PLXNA4: variants seen among roughly 807,000 people sequenced by gnomAD.
PLXNA4 encodes plexin A4, also known as plexin-A4.
A neutral mutation model predicts 191.8 loss-of-function variants in PLXNA4; 44 were observed. The ratio of observed to expected loss-of-function variants is 0.23; its 90% confidence interval spans 0.18 to 0.29. PLXNA4 has a LOEUF of 0.29. Among genes scored for constraint, PLXNA4 ranks in the 10% least tolerant of loss-of-function variants. PLXNA4 has a pLI of 1.00. For synonymous variants in PLXNA4, 1,082 were observed against 1,009.5 expected (o/e 1.07, Z -1.36); for missense variants, 1,800 against 2,488.8 (o/e 0.72, Z 5.89).
chr7:132,504,923 G>A (rs1456875347), intron 2 of PLXNA4, among the ~76,000 whole-genome samples: 10 of 152,208 alleles, frequency 6.6e-5, no homozygotes, highest in Admixed American at 2.0e-4. Context: ...GATGTCGCAC[G>A]AAACACGTGT....
At chr7:132,493,753 GGA>G (rs1491067319) in intron 2 of PLXNA4, among the ~76,000 whole-genome samples, 6 of 9,306 alleles carry the variant, frequency 6.4e-4, no homozygotes, top group African/African-American at 9.6e-4. Context: ...ATGGGTGGAT[GGA>G]TGGATGGATG....
intron 4 of PLXNA4, among the ~76,000 whole-genome samples, chr7:132,292,887 A>G (rs766045490): frequency 6.6e-6 from 1 of 152,200 alleles, no homozygotes; most frequent in African/African-American, 2.4e-5. Context: ...TTTGAGCAAA[A>G]ACCACAGGCA....
intron 4 of PLXNA4, among the ~76,000 whole-genome samples, chr7:132,268,652 C>T (rs1361845192): frequency 6.6e-6 from 1 of 152,176 alleles, no homozygotes; most frequent in African/African-American, 2.4e-5. Context: ...AGCGTAGGTG[C>T]CTATGGACTA....
rs139529609 is a variant in PLXNA4, at chr7:132,242,149, G to GTTT, written c.1504-984_1504-983insAAA. Among the ~76,000 whole-genome samples the GTTT allele has an allele frequency of 4.7e-4, 69 of 147,492 alleles. 1 individual carries two copies. Among genetic ancestry groups the GTTT allele is most frequent in the Middle Eastern group, 6.9e-3 (2 of 288 alleles). On this transcript the variant is annotated intron_variant, in intron 4 of 31. Transcript: ENST00000321063. Reference sequence around the variant, plus strand: ...TTGCCGGTTTTTTTCTTTACAAAAAGTATTTTTTTTTTTTTAATTTTACAT... The same window carrying GTTT: ...TTGCCGGTTTTTTTCTTTACAAAAAGTTTTATTTTTTTTTTTTTAATTTTACAT...
chr7:132,140,528 G>A (rs1795237684), intron 30 of PLXNA4, 71 bp downstream of exon 30: 6 of 1,574,464 alleles, frequency 3.8e-6, no homozygotes, highest in Non-Finnish European at 5.2e-6. Context: ...TGATGGGGAG[G>A]GGACCTTTTG....
chr7:132,208,908 A>G (rs73155283), intron 10 of PLXNA4, among the ~76,000 whole-genome samples: 7,039 of 152,160 alleles, frequency 0.046, 202 homozygotes, highest in African/African-American at 0.074. Flanking sequence ...GGAGGCTCTG[A>G]TTTCACACCC....
chr7:132,228,183 G>A (rs1411381699), intron 6 of PLXNA4, among the ~76,000 whole-genome samples, 163 bp downstream of exon 6: 11 of 151,956 alleles, frequency 7.2e-5, no homozygotes, highest in Admixed American at 2.0e-4. Context: ...GCATCCCCCC[G>A]TAGACACTTA....
Position 132,563,198 on chromosome 7 carries a change from TCTTCCTCC to T in PLXNA4, c.-87+13216_-87+13223del, listed in dbSNP as rs1563175740. On this transcript the variant is annotated intron_variant, in intron 1 of 31. Coordinates refer to ENST00000321063, the MANE Select transcript of PLXNA4 (RefSeq NM_020911.2). ...TCCTCCTTCTCCTTCCTCCTCCTCC[TCTTCCTCC>T]TCCTCCTCCTCCTTCTCCTCCTCTT... Among the ~76,000 whole-genome samples the T allele has an allele frequency of 3.4e-3, 245 of 71,292 alleles. 1 individual carries two copies. The highest frequency in any genetic ancestry group is 6.1e-3 in the Non-Finnish European group (204 of 33,190). The allele number at this position is 71,292 out of a possible 152,430, so 46.8% of individuals were successfully genotyped here.
intron 3 of PLXNA4, among the ~76,000 whole-genome samples, chr7:132,368,680 C>T (rs568904675): frequency 7.2e-5 from 11 of 152,320 alleles, no homozygotes; most frequent in East Asian, 1.9e-4. Context: ...GCACCATGCC[C>T]GTCCCCATCA....
intron 1 of PLXNA4, among the ~76,000 whole-genome samples, chr7:132,647,949 TCACA>T (rs965594925): frequency 7.3e-5 from 11 of 150,724 alleles, no homozygotes; most frequent in Admixed American, 4.6e-4. Context: ...ACATACACAT[TCACA>T]CACAGTCACA....
Position 132,181,482 on chromosome 7 carries a change from G to A in PLXNA4, c.3391C>T (p.Leu1131Phe), listed in dbSNP as rs757044562. The change falls in exon 18 of 32, where the codon CTC becomes TTC. Residue 1131 changes from leucine to phenylalanine, a missense_variant. Coordinates refer to ENST00000321063, the MANE Select transcript of PLXNA4 (RefSeq NM_020911.2). The stretch of plus-strand genomic sequence containing the variant: ...TAGTAGGTGAAGTTGGTCTTGTTGA[G>A]GATGAGCAGGGACTGGACGTTGTCC... The part of the protein sequence containing the change: ...ILDNVQSLLI[L>F]NKTNFTYYPN... 1 of 1,614,178 alleles carries A rather than the reference G, an allele frequency of 6.2e-7. No individual in the cohort carries two copies. Among genetic ancestry groups the A allele is most frequent in the East Asian group, 2.2e-5 (1 of 44,872 alleles).
intron 1 of PLXNA4, among the ~76,000 whole-genome samples, chr7:132,558,381 C>G (rs182179029): frequency 6.6e-6 from 1 of 152,126 alleles, no homozygotes; most frequent in East Asian, 1.9e-4. Flanking sequence ...TTAGAACATT[C>G]CAAAAATGAG....
intron 3 of PLXNA4, among the ~76,000 whole-genome samples, chr7:132,392,566 A>G (rs1793543454): frequency 6.6e-6 from 1 of 152,242 alleles, no homozygotes. Flanking sequence ...CCAGGCAGGT[A>G]GCCGAGTGCC....
chr7:132,634,609 C>A (rs1259371478), intron 2 of PLXNA4, among the ~76,000 whole-genome samples: 1 of 152,212 alleles, frequency 6.6e-6, no homozygotes, highest in Non-Finnish European at 1.5e-5. Context: ...TGGGCCTTTG[C>A]ACATGCTGTT....
intron 4 of PLXNA4, among the ~76,000 whole-genome samples, chr7:132,242,109 T>A (rs1325043506): frequency 6.6e-6 from 1 of 152,146 alleles, no homozygotes; most frequent in East Asian, 1.9e-4. Context: ...ATAACCTTGG[T>A]CTTTATTCTC....
chr7:132,616,338 G>C (rs2116860883), intron 2 of PLXNA4, among the ~76,000 whole-genome samples: 1 of 152,250 alleles, frequency 6.6e-6, no homozygotes, highest in South Asian at 2.1e-4. Flanking sequence ...GGGCCTTTGG[G>C]GTATTGATCC....
chr7:132,402,243 G>A (rs985850025), intron 3 of PLXNA4, among the ~76,000 whole-genome samples: 5 of 152,156 alleles, frequency 3.3e-5, no homozygotes, highest in Non-Finnish European at 7.4e-5. Context: ...AACAAATTAA[G>A]TGGCAGCAGG....
intron 21 of PLXNA4, among the ~76,000 whole-genome samples, chr7:132,170,308 A>T (rs1796245501): frequency 6.6e-6 from 1 of 152,220 alleles, no homozygotes; most frequent in South Asian, 2.1e-4. Context: ...CTGTGAGGAT[A>T]AGGAGCTTCA....
rs867376173 is a variant in PLXNA4 at position 132,180,749 on chromosome 7, G to A, written c.3493-17C>T. ...GTTCTTGCCCTGTACAAATGGGAAA[G>A]CACCAGTTCCCACCCCAGAGTGAGG... On this transcript the variant is annotated splice_polypyrimidine_tract_variant and intron_variant, in intron 18 of 31. Coordinates refer to ENST00000321063, the MANE Select transcript of PLXNA4 (RefSeq NM_020911.2). 18 of 1,604,828 alleles carry A rather than the reference G, an allele frequency of 1.1e-5. No individual in the cohort carries two copies. In the Middle Eastern group the frequency reaches 3.0e-3, roughly 266 times the overall value.
Sources: allele counts gnomAD v4.1 joint callset (sites outside exome capture counted in the v4.1 genomes callset), GRCh38; gene constraint gnomAD v4.1.1; transcripts MANE v1.5; gene names NCBI Gene and HGNC (gene_info 2026-07-23, HGNC 2026-07-21).